The following ANKRD42 variants were observed in gnomAD, a reference collection of about 807,000 sequenced individuals.
ANKRD42 encodes the protein ankyrin repeat domain-containing protein 42.
A neutral mutation model predicts 51.5 loss-of-function variants in ANKRD42; 43 were observed. The ratio of observed to expected loss-of-function variants is 0.83; its 90% CI spans 0.65 to 1.08. The LOEUF (loss-of-function observed/expected upper bound fraction) is 1.08. Among genes scored for constraint, ANKRD42 ranks in the 50% least tolerant of loss-of-function variants. The pLI is 0.00. For synonymous variants in ANKRD42, 203 were observed against 213.0 expected, an observed-to-expected ratio of 0.95 and a Z score of 0.41; for missense variants, 608 against 629.3, an observed-to-expected ratio of 0.97 and a Z score of 0.36.
chr11:83,222,928 G>A (rs1211198783), intron 5 of ANKRD42, among the ~76,000 whole-genome samples: 2 of 152,084 alleles, frequency 1.3e-5, no homozygotes, highest in African/African-American at 4.8e-5. Flanking sequence ...TTGATCACAG[G>A]AGTGACATGA....
At chr11:83,253,667 T>G (rs1863712763), downstream of ANKRD42, among the ~76,000 whole-genome samples, 1 of 152,210 alleles carries the variant, frequency 6.6e-6, no homozygotes, top group South Asian at 2.1e-4. Context: ...CTATTGAGTT[T>G]AGGAGAAAAC....
rs1236057634 is a variant in ANKRD42, at chr11:83,248,017, A to G, written c.1397A>G (p.Glu466Gly). The change falls in exon 11 of 11, where the codon GAA becomes GGA. Residue 466 changes from glutamate (E) to glycine (G), a missense_variant. Transcript: ENST00000533342. ...RREKLECQLD[E>G]YRAEVDQLRE... ...GAAAAATTAGAATGTCAGCTTGATG[A>G]ATATCGAGCAGAAGTTGATCAACTC... 1 of 1,611,728 alleles carries G rather than the reference A, an allele frequency of 6.2e-7. No individual in the cohort carries two copies. The highest frequency in any genetic ancestry group is 8.5e-7 in the Non-Finnish European group (1 of 1,178,808).
intron 7 of ANKRD42, among the ~76,000 whole-genome samples, chr11:83,228,231 CTTTTTTTTTTTTTTTTTTTTTTTT>C (rs11403803): frequency 5.1e-5 from 3 of 59,012 alleles, no homozygotes; most frequent in Non-Finnish European, 9.7e-5. Context: ...CTCTCTCTCT[CTTTTTTTTTTTTTTTTTTTTTTTT>C]TTTTTTTTTT....
intron 7 of ANKRD42, among the ~76,000 whole-genome samples, chr11:83,233,936 G>T (rs1863154286): frequency 6.6e-6 from 1 of 152,200 alleles, no homozygotes; most frequent in Non-Finnish European, 1.5e-5. Flanking sequence ...ACCCGCTTTG[G>T]CCTCCCGAAG....
chr11:83,195,170 G>T (rs1861593109), intron 1 of ANKRD42, among the ~76,000 whole-genome samples: 1 of 152,048 alleles, frequency 6.6e-6, no homozygotes, highest in Non-Finnish European at 1.5e-5. Flanking sequence ...TGCCATCATT[G>T]GTTCTCTTTT....
chr11:83,212,788 T>C lies in ANKRD42; in HGVS notation c.586+1358T>C, dbSNP rs1862375729. ...ACTGTCCAGGATCATTTTGTTTTTT[T>C]CTGAAGGTCGTCTTTCAGTGTTCAT... On this transcript the variant is annotated intron_variant, in intron 5 of 10. Coordinates refer to ENST00000533342, the MANE Select transcript of ANKRD42 (RefSeq NM_001300975.2). 34 of 1,506,598 alleles carry C rather than the reference T, an allele frequency of 2.3e-5. 1 individual carries two copies. In the South Asian group the frequency reaches 3.9e-4, roughly 17 times the overall value. The allele number at this position is 1,506,598 out of a possible 1,614,324, so 93.3% of individuals were successfully genotyped here.
rs1366674922 is a variant in ANKRD42 at position 83,194,458 on chromosome 11, C to T, written c.-213C>T. The T allele has an allele frequency of 2.9e-6, 2 of 700,366 alleles. No homozygotes were observed. 43.4% of individuals were successfully genotyped at this position (700,366 alleles called of 1,614,324 possible). On this transcript the variant is annotated 5_prime_UTR_variant, in exon 1 of 11. Transcript: ENST00000533342. ...GAGCGGCAGTGAAGACGCCAGCTAC[C>T]GCTTCAGTGGCTTTTGGGAGAGAGA...
intron 3 of ANKRD42, chr11:83,209,262 T>C (rs1290128567): frequency 1.6e-6 from 1 of 629,170 alleles, no homozygotes; most frequent in Non-Finnish European, 2.9e-6. Context: ...CAAATCAGAA[T>C]GTAAAATCAA....
intron 2 of ANKRD42, among the ~76,000 whole-genome samples, chr11:83,200,164 A>G (rs1036556655): frequency 6.6e-6 from 1 of 152,078 alleles, no homozygotes; most frequent in Non-Finnish European, 1.5e-5. Context: ...ACATCAGGAT[A>G]TACCATTTAT....
chr11:83,232,678 A>G lies in ANKRD42; in HGVS notation c.914-3726A>G, dbSNP rs146721392. 9.0e-4 allele frequency among the ~76,000 whole-genome samples: 137 copies of G among 152,204 alleles called. 1 individual carries two copies. Among genetic ancestry groups the G allele is most frequent in the African/African-American group, 3.2e-3 (132 of 41,566 alleles). The stretch of plus-strand genomic sequence containing the variant: ...GGCATCCTTGTGTTCCAGGTCTTAA[A>G]GGAAGTGCTTTCATATTCACTATTA... On this transcript the variant is annotated intron_variant, in intron 7 of 10. Transcript: ENST00000533342.
downstream of ANKRD42, chr11:83,259,477 T>G (rs1863838389): frequency 6.6e-6 from 1 of 152,228 alleles, no homozygotes; most frequent in South Asian, 2.1e-4. Flanking sequence ...GCAGATCTAT[T>G]TAATATTTAG....
Position 83,248,337 on chromosome 11 carries a change from T to A in ANKRD42, c.*133T>A, listed in dbSNP as rs1863606763. Reference sequence around the variant, plus strand: ...CACACACACACACACACACACACACTCTATATGTAACTATAACTTTCTAGA... The same window carrying A: ...CACACACACACACACACACACACACACTATATGTAACTATAACTTTCTAGA... On this transcript the variant is annotated 3_prime_UTR_variant, in exon 11 of 11. Coordinates refer to ENST00000533342, the MANE Select transcript of ANKRD42 (RefSeq NM_001300975.2). 6.7e-6 allele frequency: 9 copies of A among 1,337,436 alleles called. No homozygotes were observed. Among genetic ancestry groups the A allele is most frequent in the East Asian group, 5.7e-5 (2 of 35,354 alleles). The allele number at this position is 1,337,436 out of a possible 1,614,324, so 82.8% of individuals were successfully genotyped here.
chr11:83,198,961 G>A (rs1193487506), intron 2 of ANKRD42, among the ~76,000 whole-genome samples: 1 of 152,138 alleles, frequency 6.6e-6, no homozygotes, highest in Non-Finnish European at 1.5e-5. Context: ...TCTTCTGAAG[G>A]CTTATTCACT....
chr11:83,252,248 G>A (rs1052441046), downstream of ANKRD42, among the ~76,000 whole-genome samples: 1 of 152,244 alleles, frequency 6.6e-6, no homozygotes, highest in African/African-American at 2.4e-5. Context: ...TGAAACAGAC[G>A]TTACCAAATG....
chr11:83,205,219 C>A (rs1280342013), intron 2 of ANKRD42, among the ~76,000 whole-genome samples: 1 of 152,190 alleles, frequency 6.6e-6, no homozygotes, highest in South Asian at 2.1e-4. Context: ...GCTTTATTCT[C>A]TAGTACCTGA....
In ANKRD42 at chr11:83,230,694, C is replaced by A. The variant is rs113140485; in HGVS notation, c.913+2822C>A. 2.8e-3 allele frequency among the ~76,000 whole-genome samples: 428 copies of A among 152,154 alleles called. 2 individuals are homozygous for A. Among genetic ancestry groups the A allele is most frequent in the African/African-American group, 1.0e-2 (413 of 41,490 alleles). Reference sequence around the variant, plus strand: ...CTATTTCTCCTGGGTTCAAGCGATTCTCCTGCCTCAGCCTCCCGAGTAGCT... The same window carrying A: ...CTATTTCTCCTGGGTTCAAGCGATTATCCTGCCTCAGCCTCCCGAGTAGCT... On this transcript the variant is annotated intron_variant, in intron 7 of 10. Transcript: ENST00000533342.
chr11:83,259,015 CTCAG>C (rs1439393423), downstream of ANKRD42: 2 of 152,138 alleles, frequency 1.3e-5, no homozygotes, highest in Non-Finnish European at 2.9e-5. Context: ...ATTACGCTCA[CTCAG>C]TATGAATGCA....
intron 6 of ANKRD42, among the ~76,000 whole-genome samples, chr11:83,225,964 A>C (rs1862869480): frequency 6.6e-6 from 1 of 152,112 alleles, no homozygotes; most frequent in Admixed American, 6.6e-5. Flanking sequence ...TATGTTTCCC[A>C]GGCTGGTCTC....
chr11:83,245,423 C>T, intron 9 of ANKRD42, 75 bp from the exon 10 acceptor site: 2 of 1,460,280 alleles, frequency 1.4e-6, no homozygotes, highest in Non-Finnish European at 9.1e-7. Flanking sequence ...AGAATATGCT[C>T]AAGAATACCA....
Sources: gnomAD v4.1 joint callset for allele counts (sites outside exome capture counted in the v4.1 genomes callset) on GRCh38, gnomAD v4.1.1 for gene constraint, MANE v1.5 for transcripts, NCBI Gene and HGNC (gene_info 2026-07-23, HGNC 2026-07-21) for gene names.